Variants in BTBD10 observed in about 807,000 individuals in gnomAD.
The protein encoded by BTBD10 is BTB domain containing 10, also known as BTB/POZ domain-containing protein 10.
BTBD10 carries 21 observed loss-of-function variants against 53.2 expected under a neutral mutation model. The ratio of observed to expected loss-of-function variants is 0.39; its 90% CI spans 0.28 to 0.57. The LOEUF (loss-of-function observed/expected upper bound fraction) is 0.57. BTBD10 is among the 20% of genes least tolerant of loss of function. The pLI is 0.53. For synonymous variants in BTBD10, 149 were observed against 192.7 expected (o/e 0.77, Z 1.88); for missense variants, 360 against 594.7 (o/e 0.61, Z 4.10).
intron 5 of BTBD10, 95 bp downstream of exon 5, chr11:13,417,063 C>T: frequency 1.2e-6 from 1 of 818,472 alleles, no homozygotes; most frequent in South Asian, 2.0e-5. Context: ...CCTGGAATAA[C>T]TCCAGAGAGA....
chr11:13,408,869 C>T (rs1949881999), intron 6 of BTBD10, among the ~76,000 whole-genome samples: 1 of 152,168 alleles, frequency 6.6e-6, no homozygotes, highest in South Asian at 2.1e-4. Flanking sequence ...CCCTTTTGGT[C>T]CATTTTTAAC....
chr11:13,394,972 G>T (rs1403775382), intron 8 of BTBD10, among the ~76,000 whole-genome samples: 35 of 151,224 alleles, frequency 2.3e-4, no homozygotes, highest in East Asian at 7.8e-4. Flanking sequence ...TTCCAAGTCT[G>T]TGCTATTGTG....
intron 1 of BTBD10, among the ~76,000 whole-genome samples, chr11:13,451,462 G>C (rs1009816796): frequency 6.6e-5 from 10 of 152,054 alleles, no homozygotes; most frequent in African/African-American, 2.4e-4. Context: ...CCAAATTCTT[G>C]GCTGACCACC....
At chr11:13,426,111 G>C (rs1264673968) in intron 2 of BTBD10, among the ~76,000 whole-genome samples, 4 of 151,996 alleles carry the variant, frequency 2.6e-5, no homozygotes, top group African/African-American at 9.7e-5. Flanking sequence ...AGTAATATCT[G>C]AACTTTCTCC....
rs1167092587 is a variant in BTBD10 at position 13,463,136 on chromosome 11, C to T, written c.-102G>A. On this transcript the variant is annotated 5_prime_UTR_variant, in exon 1 of 9. Coordinates refer to ENST00000278174, the MANE Select transcript of BTBD10 (RefSeq NM_032320.7). ...CTTCAGTGCCCACACAAGATTGGGG[C>T]AAAGGCCGGGGCCAGTGACACCTCC... 1 of 152,406 alleles carries T rather than the reference C, an allele frequency of 6.6e-6. No homozygotes were observed. Among genetic ancestry groups the T allele is most frequent in the East Asian group, 1.9e-4 (1 of 5,186 alleles). The allele number at this position is 152,406 out of a possible 1,614,324, so 9.4% of individuals were successfully genotyped here. A position where few individuals can be genotyped will look rare whatever the true frequency, so the allele number is the denominator to read the frequency against.
chr11:13,450,384 C>T (rs1013719404), intron 1 of BTBD10, among the ~76,000 whole-genome samples: 3 of 152,036 alleles, frequency 2.0e-5, no homozygotes. Context: ...TAATTTTGTA[C>T]TAACGACAAA....
chr11:13,398,405 C>T (rs1949616052), intron 8 of BTBD10, among the ~76,000 whole-genome samples: 1 of 152,100 alleles, frequency 6.6e-6, no homozygotes, highest in East Asian at 1.9e-4. Flanking sequence ...GTAGATCTTC[C>T]TCCATCCCTT....
At chr11:13,393,512 TCTG>T (rs1264745713) in intron 8 of BTBD10, among the ~76,000 whole-genome samples, 5 of 152,160 alleles carry the variant, frequency 3.3e-5, no homozygotes, top group Non-Finnish European at 4.4e-5. Flanking sequence ...TCTCAACACT[TCTG>T]CTGGGGTTAT....
chr11:13,411,090 A>G (rs1591112724), intron 6 of BTBD10, among the ~76,000 whole-genome samples: 1 of 152,228 alleles, frequency 6.6e-6, no homozygotes, highest in Non-Finnish European at 1.5e-5. Flanking sequence ...GAGGACAACC[A>G]GTGGAAGAGG....
At chr11:13,440,362 T>C (rs1408960253) in intron 2 of BTBD10, 5 of 1,028,052 alleles carry the variant, frequency 4.9e-6, no homozygotes, top group South Asian at 2.8e-5. Context: ...AACGCAGGAG[T>C]TGAGGGCTTA....
intron 2 of BTBD10, among the ~76,000 whole-genome samples, chr11:13,423,173 T>C (rs956303670): frequency 1.3e-5 from 2 of 152,092 alleles, no homozygotes; most frequent in Non-Finnish European, 2.9e-5. Flanking sequence ...ATAATAAAAA[T>C]AATAAAGCCA....
chr11:13,395,121 A>G (rs11022796), intron 8 of BTBD10, among the ~76,000 whole-genome samples: 2,593 of 123,200 alleles, frequency 0.021, 43 homozygotes, highest in Admixed American at 0.036. Context: ...TCGCCACACC[A>G]ACTTCCACAA....
Position 13,388,800 on chromosome 11 carries a change from T to C in BTBD10, c.*31A>G. 1.9e-6 allele frequency: 3 copies of C among 1,585,628 alleles called. No individual in the cohort carries two copies. Among genetic ancestry groups the C allele is most frequent in the Non-Finnish European group, 2.6e-6 (3 of 1,164,328 alleles). ...GAGAGTACAACGTCACTGTGAAGAG[T>C]AGCATGCTATGGTTTCAAGGAAGAT... is the stretch of plus-strand genomic sequence containing the variant. On this transcript the variant is annotated 3_prime_UTR_variant, in exon 9 of 9. Transcript: ENST00000278174.
chr11:13,408,908 C>T (rs2135784902), intron 6 of BTBD10, among the ~76,000 whole-genome samples: 1 of 152,288 alleles, frequency 6.6e-6, no homozygotes. Flanking sequence ...TCTTTTAAAC[C>T]TTAAGTCAGG....
In BTBD10 at chr11:13,419,636, C is replaced by T; in HGVS notation, c.408G>A (p.Gln136=). 1 of 1,614,134 alleles carries T rather than the reference C, an allele frequency of 6.2e-7. No homozygotes were observed. Among genetic ancestry groups the T allele is most frequent in the Non-Finnish European group, 8.5e-7 (1 of 1,179,998 alleles). The change falls in exon 4 of 9, where the codon CAG becomes CAA. Residue 136 remains glutamine (Q), a synonymous_variant. Coordinates refer to ENST00000278174, the MANE Select transcript of BTBD10 (RefSeq NM_032320.7). ...SAGNSSRNSS[Q]SSSDGSCKTA... ...TCTTACAGCTACCATCTGAACTTGACTGACTACTGTTTCTGCTGCTGTTCC... is the reference window on the plus strand; with the variant it reads ...TCTTACAGCTACCATCTGAACTTGATTGACTACTGTTTCTGCTGCTGTTCC...
intron 8 of BTBD10, among the ~76,000 whole-genome samples, chr11:13,389,545 A>G (rs1440531983): frequency 2.0e-5 from 3 of 151,820 alleles, no homozygotes; most frequent in African/African-American, 7.3e-5. Flanking sequence ...CTCCCACCTC[A>G]GTCTCCAGAG....
At chr11:13,392,766 T>C (rs1282819444) in intron 8 of BTBD10, among the ~76,000 whole-genome samples, 1 of 152,192 alleles carries the variant, frequency 6.6e-6, no homozygotes, top group Admixed American at 6.5e-5. Flanking sequence ...AAGACTTCAT[T>C]ACTTTGCCTC....
At chr11:13,417,942 G>A (rs1304480864) in intron 4 of BTBD10, among the ~76,000 whole-genome samples, 1 of 151,990 alleles carries the variant, frequency 6.6e-6, no homozygotes, top group African/African-American at 2.4e-5. Context: ...TCATGTTGTT[G>A]GCCCTTCAAC....
intron 1 of BTBD10, among the ~76,000 whole-genome samples, chr11:13,448,150 GAAGT>G (rs1950783288): frequency 6.6e-6 from 1 of 152,116 alleles, no homozygotes; most frequent in Admixed American, 6.6e-5. Flanking sequence ...GCAAGGTGCT[GAAGT>G]AAGTTAGACA....
Sources: allele counts gnomAD v4.1 joint callset (sites outside exome capture counted in the v4.1 genomes callset), GRCh38; gene constraint gnomAD v4.1.1; transcripts MANE v1.5; gene names NCBI Gene and HGNC (gene_info 2026-07-23, HGNC 2026-07-21).